EFCAB11: variants seen among roughly 807,000 people sequenced by gnomAD.
The protein encoded by EFCAB11 is EF-hand calcium binding domain 11, also known as EF-hand calcium-binding domain-containing protein 11.
EFCAB11 carries 14 observed loss-of-function variants against 23.0 expected under a neutral mutation model. That is an observed-to-expected ratio of 0.61 (90% CI 0.40 to 0.95). The LOEUF (loss-of-function observed/expected upper bound fraction) is 0.95, where lower values mean the gene tolerates loss of function less well. Ranked by LOEUF, EFCAB11 falls within the 40% of genes least tolerant of loss-of-function variation. The pLI, the probability that EFCAB11 is intolerant of heterozygous loss-of-function variation, is 0.00. For missense variants in EFCAB11, 198 were observed against 195.8 expected, an observed-to-expected ratio of 1.01 and a Z score of -0.07; for synonymous variants, 65 against 66.6, an observed-to-expected ratio of 0.98 and a Z score of 0.11.
At position 89,804,549 on chromosome 14, in the gene EFCAB11, A is replaced by G. The variant is rs150378139; in HGVS notation, c.411-7225T>C. ...TTCCCTCATTCTCTGTTTCACAACA[A>G]CCTGTACACAAGCCCCCATCAGGCT... On this transcript the variant is annotated intron_variant, in intron 5 of 5. Transcript: ENST00000316738. 2.0e-3 allele frequency among the ~76,000 whole-genome samples: 306 copies of G among 152,322 alleles called. 3 individuals carry two copies. The highest frequency in any genetic ancestry group is 7.1e-3 in the African/African-American group (294 of 41,566).
intron 5 of EFCAB11, among the ~76,000 whole-genome samples, chr14:89,834,076 C>T (rs1037395616): frequency 3.9e-5 from 6 of 151,930 alleles, no homozygotes; most frequent in Non-Finnish European, 7.4e-5. Flanking sequence ...AGTTTGTGGC[C>T]GTGTGTGGTG....
At position 89,915,698 on chromosome 14, in the gene EFCAB11, C is replaced by G. The variant is rs1485626810; in HGVS notation, c.410+15843G>C. 1.6e-4 allele frequency among the ~76,000 whole-genome samples: 24 copies of G among 152,070 alleles called. 1 individual carries two copies. ...GGTCATCAGAGAAAACTCAATCTAC[C>G]CACCAAAGTTAATTTGATTTATTCT... is the stretch of plus-strand genomic sequence containing the variant. On this transcript the variant is annotated intron_variant, in intron 5 of 5. Coordinates refer to ENST00000316738, the MANE Select transcript of EFCAB11 (RefSeq NM_145231.4).
At chr14:89,820,217 C>T (rs148942269) in intron 5 of EFCAB11, among the ~76,000 whole-genome samples, 5 of 152,114 alleles carry the variant, frequency 3.3e-5, no homozygotes, top group South Asian at 2.1e-4. Flanking sequence ...GCAGAGCTGT[C>T]GATTTTTTTT....
chr14:89,945,437 A>G (rs76725801), intron 3 of EFCAB11, among the ~76,000 whole-genome samples: 2,638 of 152,260 alleles, frequency 0.017, 77 homozygotes, highest in African/African-American at 0.06. Flanking sequence ...ATTCAATTCA[A>G]AATACTTCCT....
chr14:89,940,133 A>G (rs988311624), intron 3 of EFCAB11, among the ~76,000 whole-genome samples: 34 of 152,214 alleles, frequency 2.2e-4, no homozygotes, highest in Non-Finnish European at 2.5e-4. Flanking sequence ...TGTTTTCTAA[A>G]TGGGTAATTA....
rs1347819802 is a variant in EFCAB11, at chr14:89,880,614, G to A, written c.410+50927C>T. The stretch of plus-strand genomic sequence containing the variant: ...TAATTAGTTGAAAAATAATGAAATC[G>A]AAATAAAATAGAAAAAATAAATACT... On this transcript the variant is annotated intron_variant, in intron 5 of 5. Coordinates refer to ENST00000316738, the MANE Select transcript of EFCAB11 (RefSeq NM_145231.4). Among the ~76,000 whole-genome samples the A allele has an allele frequency of 4.6e-5, 7 of 151,876 alleles. No individual in the cohort carries two copies. The South Asian group carries it at 6.2e-4, about 14-fold the overall frequency.
chr14:89,918,367 CA>C (rs777512065), intron 5 of EFCAB11, among the ~76,000 whole-genome samples: 2 of 151,826 alleles, frequency 1.3e-5, no homozygotes, highest in Non-Finnish European at 2.9e-5. Flanking sequence ...GGTGAAACCC[CA>C]TCTCTACTAA....
At chr14:89,871,257 T>A (rs1340766560) in intron 5 of EFCAB11, among the ~76,000 whole-genome samples, 2 of 152,142 alleles carry the variant, frequency 1.3e-5, no homozygotes, top group Non-Finnish European at 2.9e-5. Flanking sequence ...CTACCATCCA[T>A]CTCCCAAAAC....
At chr14:89,916,550 GA>G (rs1167403582) in intron 5 of EFCAB11, among the ~76,000 whole-genome samples, 4 of 152,166 alleles carry the variant, frequency 2.6e-5, no homozygotes, top group African/African-American at 7.2e-5. Context: ...AATAGGCCCA[GA>G]AAAAAGTAAG....
At chr14:89,938,949 A>G (rs1408180875) in intron 3 of EFCAB11, among the ~76,000 whole-genome samples, 2 of 148,216 alleles carry the variant, frequency 1.3e-5, no homozygotes, top group African/African-American at 5.2e-5. Context: ...CAAAAAACAA[A>G]ACAACAACAA....
At chr14:89,857,351 C>T (rs150214181) in intron 5 of EFCAB11, among the ~76,000 whole-genome samples, 17 of 152,242 alleles carry the variant, frequency 1.1e-4, no homozygotes, top group Admixed American at 2.0e-4. Context: ...TCATGACGCA[C>T]GAAGACGGAA....
intron 5 of EFCAB11, among the ~76,000 whole-genome samples, chr14:89,835,607 TG>T (rs1485373624): frequency 3.4e-5 from 5 of 148,134 alleles, no homozygotes; most frequent in Non-Finnish European, 7.5e-5. Context: ...TGTGTGTGTG[TG>T]TGTGTGTGTG....
chr14:89,941,028 T>C (rs1890773921), intron 3 of EFCAB11, among the ~76,000 whole-genome samples: 2 of 152,168 alleles, frequency 1.3e-5, no homozygotes, highest in Non-Finnish European at 2.9e-5. Context: ...TGGTCTACAT[T>C]GAGAAAAGAT....
chr14:89,948,009 C>T (rs1891039021), intron 3 of EFCAB11, among the ~76,000 whole-genome samples: 1 of 152,160 alleles, frequency 6.6e-6, no homozygotes, highest in East Asian at 1.9e-4. Context: ...CCCACCGCCC[C>T]ACCCGTCTGC....
intron 5 of EFCAB11, among the ~76,000 whole-genome samples, chr14:89,857,895 C>T (rs1275214448): frequency 6.6e-6 from 1 of 151,868 alleles, no homozygotes; most frequent in Non-Finnish European, 1.5e-5. Flanking sequence ...GAAAGTAGGC[C>T]CTAGAAATAA....
At chr14:89,897,902 A>G (rs1438726823) in intron 5 of EFCAB11, among the ~76,000 whole-genome samples, 4 of 152,230 alleles carry the variant, frequency 2.6e-5, no homozygotes, top group Admixed American at 1.3e-4. Context: ...GAAGGAAAAC[A>G]GTATACATTA....
intron 5 of EFCAB11, among the ~76,000 whole-genome samples, chr14:89,889,598 C>T (rs1888899079): frequency 6.6e-6 from 1 of 152,228 alleles, no homozygotes; most frequent in Non-Finnish European, 1.5e-5. Context: ...AGGTTCCTAC[C>T]ACCATTAACT....
At chr14:89,930,696 T>C (rs1210091184) in intron 5 of EFCAB11, among the ~76,000 whole-genome samples, 2 of 152,182 alleles carry the variant, frequency 1.3e-5, no homozygotes, top group African/African-American at 4.8e-5. Flanking sequence ...AAAGGGGCAA[T>C]CTGGATCCTT....
At chr14:89,853,945 G>GA (rs1466784237) in intron 5 of EFCAB11, among the ~76,000 whole-genome samples, 1 of 152,026 alleles carries the variant, frequency 6.6e-6, no homozygotes, top group African/African-American at 2.4e-5. Flanking sequence ...AGCTACAAAT[G>GA]AAAAAATGGA....
Sources: allele counts gnomAD v4.1 joint callset (sites outside exome capture counted in the v4.1 genomes callset), GRCh38; gene constraint gnomAD v4.1.1; transcripts MANE v1.5; gene names NCBI Gene and HGNC (gene_info 2026-07-23, HGNC 2026-07-21).